Variants in PRKCH observed in about 807,000 individuals in gnomAD.
PRKCH encodes the protein protein kinase C eta.
In PRKCH, 28 loss-of-function variants were observed where a neutral mutation model predicts 82.5. That is an observed-to-expected ratio of 0.34 (90% CI 0.25 to 0.47). PRKCH has a LOEUF of 0.47. PRKCH is among the 20% of genes least tolerant of loss of function. The pLI is 1.00. For synonymous variants in PRKCH, 322 were observed against 327.4 expected (o/e 0.98, Z 0.18); for missense variants, 705 against 881.8 (o/e 0.80, Z 2.54).
chr14:61,376,968 A>G (rs1223134433), intron 1 of PRKCH, among the ~76,000 whole-genome samples: 1 of 152,198 alleles, frequency 6.6e-6, no homozygotes, highest in Non-Finnish European at 1.5e-5. Flanking sequence ...AGGTGTAATG[A>G]AATTTGCAGG....
At chr14:61,485,713 T>C (rs1285586452) in intron 10 of PRKCH, 57 bp downstream of exon 10, 2 of 1,528,402 alleles carry the variant, frequency 1.3e-6, no homozygotes, top group East Asian at 2.3e-5. Context: ...TCTCCTGGTA[T>C]GATCCATCCT....
intron 2 of PRKCH, among the ~76,000 whole-genome samples, chr14:61,417,272 A>G (rs1882606979): frequency 6.6e-6 from 1 of 152,310 alleles, no homozygotes; most frequent in South Asian, 2.1e-4. Context: ...GCTTTACCAC[A>G]TAGAACCGTC....
intron 1 of PRKCH, among the ~76,000 whole-genome samples, chr14:61,293,486 T>C (rs1372322176): frequency 6.6e-6 from 1 of 152,206 alleles, no homozygotes; most frequent in Non-Finnish European, 1.5e-5. Context: ...AGATATGGAA[T>C]CTTATCGCAG....
chr14:61,324,722 G>T (rs2045672772), intron 1 of PRKCH, among the ~76,000 whole-genome samples: 1 of 152,172 alleles, frequency 6.6e-6, no homozygotes, highest in African/African-American at 2.4e-5. Context: ...ACCTCCCAAA[G>T]TGCTGGGATT....
intron 1 of PRKCH, among the ~76,000 whole-genome samples, chr14:61,231,371 T>TA (rs926038374): frequency 6.7e-6 from 1 of 150,196 alleles, no homozygotes; most frequent in African/African-American, 2.4e-5. Context: ...AATTTTTTTT[T>TA]TTTTTTTTTG....
chr14:61,535,987 G>A (rs556616941), intron 12 of PRKCH, among the ~76,000 whole-genome samples: 2 of 152,368 alleles, frequency 1.3e-5, no homozygotes, highest in East Asian at 1.9e-4. Flanking sequence ...AGCTCAGCGT[G>A]TGTGTATGAA....
At chr14:61,341,439 C>T (rs2045928791) in intron 1 of PRKCH, among the ~76,000 whole-genome samples, 1 of 152,146 alleles carries the variant, frequency 6.6e-6, no homozygotes, top group Admixed American at 6.5e-5. Flanking sequence ...CATCCATAAA[C>T]AGGCCTGAGC....
intron 5 of PRKCH, among the ~76,000 whole-genome samples, chr14:61,450,466 A>G (rs1251413431): frequency 6.6e-6 from 1 of 152,232 alleles, no homozygotes; most frequent in Non-Finnish European, 1.5e-5. Context: ...GATAGCAAGT[A>G]TATATAGTGT....
At chr14:61,188,715 GT>G (rs2044387549) in intron 1 of PRKCH, among the ~76,000 whole-genome samples, 1 of 146,428 alleles carries the variant, frequency 6.8e-6, no homozygotes. Flanking sequence ...GTGTGTGTGT[GT>G]GTGTGTGTGT....
intron 10 of PRKCH, among the ~76,000 whole-genome samples, chr14:61,493,156 G>A (rs1886528449): frequency 6.6e-6 from 1 of 152,150 alleles, no homozygotes; most frequent in African/African-American, 2.4e-5. Flanking sequence ...GCCTATCACA[G>A]GAAACATAAA....
At chr14:61,462,838 G>A (rs1373958644) in intron 9 of PRKCH, among the ~76,000 whole-genome samples, 1 of 152,224 alleles carries the variant, frequency 6.6e-6, no homozygotes, top group Non-Finnish European at 1.5e-5. Context: ...TCCTCATGCA[G>A]CCCTGTGGAA....
At chr14:61,342,763 C>A (rs2045944547) in intron 1 of PRKCH, among the ~76,000 whole-genome samples, 1 of 152,190 alleles carries the variant, frequency 6.6e-6, no homozygotes, top group African/African-American at 2.4e-5. Flanking sequence ...TTCTGGTCTA[C>A]CTTGGTATCT....
intron 2 of PRKCH, among the ~76,000 whole-genome samples, chr14:61,421,220 T>C (rs558177041): frequency 1.6e-4 from 24 of 152,102 alleles, no homozygotes; most frequent in African/African-American, 5.8e-4. Context: ...TCCTGAGCTC[T>C]CTGCACTTTT....
rs556862757 is a variant in PRKCH, at chr14:61,462,655, T to C, written c.1278+4976T>C. Among the ~76,000 whole-genome samples, 4 of 152,342 alleles carry C rather than the reference T, an allele frequency of 2.6e-5. No individual in the cohort carries two copies. The East Asian group carries it at 5.8e-4, about 22-fold the overall frequency. Reference sequence around the variant, plus strand: ...TGAGAAGTTACAGCAGAAAGATGCTTACTTTTTAGCTGCCCAGTGTTGCAG... The same window carrying C: ...TGAGAAGTTACAGCAGAAAGATGCTCACTTTTTAGCTGCCCAGTGTTGCAG... On this transcript the variant is annotated intron_variant, in intron 9 of 13. Coordinates refer to ENST00000332981, the MANE Select transcript of PRKCH (RefSeq NM_006255.5).
chr14:61,480,895 T>G (rs970428792), intron 9 of PRKCH, among the ~76,000 whole-genome samples: 5 of 152,106 alleles, frequency 3.3e-5, no homozygotes, highest in African/African-American at 1.2e-4. Context: ...ACACTTCAAC[T>G]GCACAGTCTT....
intron 3 of PRKCH, among the ~76,000 whole-genome samples, chr14:61,445,211 G>A (rs1313576176): frequency 6.6e-6 from 1 of 152,234 alleles, no homozygotes; most frequent in Non-Finnish European, 1.5e-5. Flanking sequence ...CAGCAACTCT[G>A]CCCACCTGTG....
chr14:61,504,927 A>G (rs1244221845), intron 10 of PRKCH, among the ~76,000 whole-genome samples: 2 of 152,062 alleles, frequency 1.3e-5, no homozygotes, highest in African/African-American at 2.4e-5. Context: ...ATTGAGACCT[A>G]TTTTTTGCCT....
chr14:61,444,698 G>A (rs1283685635), intron 3 of PRKCH, among the ~76,000 whole-genome samples: 1 of 152,120 alleles, frequency 6.6e-6, no homozygotes, highest in Non-Finnish European at 1.5e-5. Context: ...CTGACATCCA[G>A]TCTCATCACC....
At chr14:61,470,113 C>G (rs893110107) in intron 9 of PRKCH, among the ~76,000 whole-genome samples, 1 of 151,288 alleles carries the variant, frequency 6.6e-6, no homozygotes, top group Non-Finnish European at 1.5e-5. Context: ...GGGGGCTTGT[C>G]TGAAGCTGCA....
Sources: gnomAD v4.1 joint callset for allele counts (sites outside exome capture counted in the v4.1 genomes callset) on GRCh38, gnomAD v4.1.1 for gene constraint, MANE v1.5 for transcripts, NCBI Gene and HGNC (gene_info 2026-07-23, HGNC 2026-07-21) for gene names.